Variants in VPS13C observed in about 807,000 individuals in gnomAD.
VPS13C encodes the protein intermembrane lipid transfer protein VPS13C.
A neutral mutation model predicts 456.8 loss-of-function variants in VPS13C; 358 were observed. That is an observed-to-expected ratio of 0.78 (90% CI 0.72 to 0.86). The LOEUF (loss-of-function observed/expected upper bound fraction) is 0.86, where lower values mean the gene tolerates loss of function less well. Ranked by LOEUF, VPS13C falls within the 40% of genes least tolerant of loss-of-function variation. The pLI is 0.00. For synonymous variants in VPS13C, 1,578 were observed against 1,486.7 expected (o/e 1.06, Z -1.41); for missense variants, 4,818 against 4,385.4 (o/e 1.10, Z -2.79).
chr15:61,909,689 A>C (rs1205468964), intron 64 of VPS13C, among the ~76,000 whole-genome samples: 1 of 152,216 alleles, frequency 6.6e-6, no homozygotes, highest in Non-Finnish European at 1.5e-5. Context: ...AAATATGAAA[A>C]CTTCATCTAT....
At chr15:61,938,844 G>C (rs1254412588) in intron 47 of VPS13C, among the ~76,000 whole-genome samples, 1 of 152,018 alleles carries the variant, frequency 6.6e-6, no homozygotes, top group Non-Finnish European at 1.5e-5. Context: ...CGCCCTTAGA[G>C]AAAGACACCA....
chr15:61,980,764 T>G lies in VPS13C; in HGVS notation c.2166+578A>C, dbSNP rs148421586. On this transcript the variant is annotated intron_variant, in intron 22 of 84. Coordinates refer to ENST00000644861, the MANE Select transcript of VPS13C (RefSeq NM_020821.3). ...GAGATGGACTAAATGGCTGGTATCA[T>G]CACTTACAAAAGTGTCTTGGACTTG... 7.6e-3 allele frequency among the ~76,000 whole-genome samples: 1,164 copies of G among 152,304 alleles called. 9 individuals are homozygous for G. Among genetic ancestry groups the G allele is most frequent in the Middle Eastern group, 0.027 (8 of 294 alleles).
Position 61,868,744 on chromosome 15 carries a change from C to A in VPS13C, c.10778G>T (p.Ser3593Ile), listed in dbSNP as rs1252458023. Residue 3593 changes from serine to isoleucine, a missense_variant, in exon 81 of 85, where the codon AGC becomes ATC. By Grantham distance (142) the Ser-to-Ile change is moderately radical. Transcript: ENST00000644861. Reference sequence around the variant, plus strand: ...ATGGATCAGGCGAGGGGGACGGAGGCTAGATACTTCCTCAGTTGATTCTGC... The same window carrying A: ...ATGGATCAGGCGAGGGGGACGGAGGATAGATACTTCCTCAGTTGATTCTGC... ...RAAESTEEVSSLRPPRLIHED... is the reference protein window; with the variant it reads ...RAAESTEEVSILRPPRLIHED... The A allele has an allele frequency of 1.2e-6, 2 of 1,613,982 alleles. No homozygotes were observed. Among genetic ancestry groups the A allele is most frequent in the Non-Finnish European group, 1.7e-6 (2 of 1,180,002 alleles).
At chr15:61,860,957 T>C (rs182208251) in intron 82 of VPS13C, among the ~76,000 whole-genome samples, 4,465 of 137,302 alleles carry the variant, frequency 0.033, 74 homozygotes, top group Non-Finnish European at 0.047. Context: ...TTCTTTCTTT[T>C]TTTTTTTTTT....
rs189697396 is a variant in VPS13C at position 61,993,978 on chromosome 15, G to A, written c.1354-2176C>T. ...TCAAAGCATATATATATATATATGA[G>A]ACCAAAAATAAATAAAAATATACAA... On this transcript the variant is annotated intron_variant, in intron 16 of 84. Coordinates refer to ENST00000644861, the MANE Select transcript of VPS13C (RefSeq NM_020821.3). 2.6e-5 allele frequency among the ~76,000 whole-genome samples: 4 copies of A among 152,054 alleles called. No homozygotes were observed. In the East Asian group the frequency reaches 7.7e-4, roughly 29 times the overall value.
intron 1 of VPS13C, among the ~76,000 whole-genome samples, chr15:62,047,903 A>C (rs1350298976): frequency 2.0e-5 from 3 of 152,218 alleles, no homozygotes; most frequent in African/African-American, 7.2e-5. Flanking sequence ...AATACCGATA[A>C]AAAAGATTTC....
At position 61,984,848 on chromosome 15, in the gene VPS13C, A is replaced by G; in HGVS notation, c.1721+9T>C. 6.2e-7 allele frequency: 1 copy of G among 1,611,634 alleles called. No individual in the cohort carries two copies. The highest frequency in any genetic ancestry group is 8.5e-7 in the Non-Finnish European group (1 of 1,179,012). On this transcript the variant is annotated intron_variant, in intron 19 of 84. Transcript: ENST00000644861. ...AAGTAAAAATTGAAATAAGTTTTTA[A>G]AAACTTACTTAAGTGCTTGTGCTCC...
chr15:61,988,693 T>C (rs1260028649), intron 18 of VPS13C, among the ~76,000 whole-genome samples: 3 of 152,150 alleles, frequency 2.0e-5, no homozygotes, highest in Non-Finnish European at 2.9e-5. Flanking sequence ...AAAGGACTGA[T>C]TACAAAGTTA....
At chr15:61,992,232 C>T (rs1227677182) in intron 16 of VPS13C, among the ~76,000 whole-genome samples, 1 of 152,128 alleles carries the variant, frequency 6.6e-6, no homozygotes, top group Non-Finnish European at 1.5e-5. Context: ...GGCTTGCTAA[C>T]TAGGACAGTG....
chr15:61,897,199 C>A (rs1226007395), intron 66 of VPS13C, among the ~76,000 whole-genome samples: 2 of 152,178 alleles, frequency 1.3e-5, no homozygotes, highest in Admixed American at 1.3e-4. Context: ...GAGCACCTCT[C>A]CTCCTCCAAA....
chr15:61,909,224 T>G, intron 64 of VPS13C, 99 bp from the exon 65 acceptor site: 2 of 1,465,816 alleles, frequency 1.4e-6, no homozygotes, highest in Non-Finnish European at 1.8e-6. Context: ...CTTTGGTTTT[T>G]TTCGAGACAG....
rs868568260 is a variant in VPS13C at position 62,033,479 on chromosome 15, G to A, written c.347C>T (p.Ser116Phe). The change falls in exon 5 of 85, where the codon TCC becomes TTC. Residue 116 changes from serine (S) to phenylalanine (F), a missense_variant. This residue lies in a region of VPS13C where 4,552 missense variants were observed against 4,130.6 expected (regional missense o/e 1.10). Transcript: ENST00000644861. ...TTTTTGAAGGGCTTCTTCAATTCGG[G>A]ATAGCTCTTTCTGTTTAACATCCTG... ...SLQDVKQKEL[S>F]RIEEALQKAA... 2 of 1,606,662 alleles carry A rather than the reference G, an allele frequency of 1.2e-6. No homozygotes were observed. Among genetic ancestry groups the A allele is most frequent in the South Asian group, 2.2e-5 (2 of 90,136 alleles).
chr15:61,974,153 T>G, intron 25 of VPS13C, 135 bp downstream of exon 25: 1 of 914,050 alleles, frequency 1.1e-6, no homozygotes, highest in Non-Finnish European at 1.5e-6. Flanking sequence ...AAACACATTA[T>G]AAATTTGAAA....
At chr15:61,874,336 AT>A (rs1895255316) in intron 77 of VPS13C, among the ~76,000 whole-genome samples, 1 of 152,034 alleles carries the variant, frequency 6.6e-6, no homozygotes, top group South Asian at 2.1e-4. Context: ...AGGGTCTTGA[AT>A]GTTCCCAACA....
chr15:61,991,634 CTT>C (rs1425456173), intron 17 of VPS13C, 37 bp downstream of exon 17: 7 of 1,579,128 alleles, frequency 4.4e-6, no homozygotes, highest in African/African-American at 1.4e-5. Context: ...TTTTTTTTAA[CTT>C]AACACTGTAC....
At chr15:62,015,438 G>A (rs1567112485) in intron 9 of VPS13C, among the ~76,000 whole-genome samples, 1 of 151,882 alleles carries the variant, frequency 6.6e-6, no homozygotes, top group South Asian at 2.1e-4. Flanking sequence ...CCACGCCTAT[G>A]TCCTGAATGG....
intron 8 of VPS13C, among the ~76,000 whole-genome samples, chr15:62,021,998 G>A (rs1445050376): frequency 1.3e-5 from 2 of 151,674 alleles, no homozygotes; most frequent in East Asian, 1.9e-4. Context: ...CATTTTAAAG[G>A]CTGAATAGTA....
chr15:61,957,257 T>C (rs909919915), intron 37 of VPS13C, among the ~76,000 whole-genome samples: 4 of 152,026 alleles, frequency 2.6e-5, no homozygotes, highest in Admixed American at 2.6e-4. Context: ...GCAAAACTAA[T>C]CTATCTATTA....
chr15:61,948,780 G>A (rs775470731), intron 42 of VPS13C, among the ~76,000 whole-genome samples: 2 of 151,764 alleles, frequency 1.3e-5, no homozygotes, highest in African/African-American at 4.8e-5. Context: ...ACTCAAACTC[G>A]TAACGATCTG....
Sources: allele counts gnomAD v4.1 joint callset (sites outside exome capture counted in the v4.1 genomes callset), GRCh38; gene constraint gnomAD v4.1.1; regional missense constraint gnomAD v4.1.1; transcripts MANE v1.5; gene names NCBI Gene and HGNC (gene_info 2026-07-23, HGNC 2026-07-21).